The following TRAF4 variants were observed in gnomAD, a reference collection of about 807,000 sequenced individuals.
TRAF4 encodes the protein TNF receptor-associated factor 4.
In TRAF4, 9 loss-of-function variants were observed where a neutral mutation model predicts 47.3. The ratio of observed to expected loss-of-function variants is 0.19; its 90% CI spans 0.11 to 0.33. TRAF4 has a LOEUF of 0.33. Among genes scored for constraint, TRAF4 ranks in the 10% least tolerant of loss-of-function variants. The pLI is 1.00. For synonymous variants in TRAF4, 236 were observed against 236.9 expected (o/e 1.00, Z 0.04); for missense variants, 448 against 620.3 (o/e 0.72, Z 2.95).
intron 4 of TRAF4, 31 bp downstream of exon 4, chr17:28,748,209 G>C (rs766731116): frequency 1.9e-6 from 3 of 1,613,034 alleles, no homozygotes; most frequent in Admixed American, 1.7e-5. Flanking sequence ...TGTGGAGGAG[G>C]GGGTACCTGA....
At chr17:28,745,445 G>A (rs4795456) in intron 1 of TRAF4, 27,414 of 152,318 alleles carry the variant, frequency 0.18, 2,651 homozygotes, top group South Asian at 0.3. Flanking sequence ...TCCAGATGAG[G>A]CCAGCTGAGC....
chr17:28,744,073 G>A lies in TRAF4; in HGVS notation c.-40G>A, dbSNP rs1241599677. The A allele has an allele frequency of 8.0e-6, 11 of 1,380,236 alleles. No homozygotes were observed. Among genetic ancestry groups the A allele is most frequent in the Non-Finnish European group, 1.0e-5 (11 of 1,058,772 alleles). 85.5% of individuals were successfully genotyped at this position (1,380,236 alleles called of 1,614,324 possible). On this transcript the variant is annotated 5_prime_UTR_variant, in exon 1 of 7. The change creates a new upstream start codon in the 5' untranslated region. Coordinates refer to ENST00000262395, the MANE Select transcript of TRAF4 (RefSeq NM_004295.4). ...GAGGCGCGGGCTGTGGGGCCGCCGC[G>A]TGCCTGGCCCCGCTCGCCCGTGCCG... is the stretch of plus-strand genomic sequence containing the variant.
chr17:28,746,933 G>T, intron 1 of TRAF4: 1 of 369,170 alleles, frequency 2.7e-6, no homozygotes, highest in Non-Finnish European at 4.9e-6. Context: ...CTGCCATCCT[G>T]GGGGAGGGGG....
Position 28,744,033 on chromosome 17 carries a change from G to C in TRAF4, c.-80G>C, listed in dbSNP as rs1241062033. On this transcript the variant is annotated 5_prime_UTR_variant, in exon 1 of 7. Transcript: ENST00000262395. ...GCCAGTCGGCGCCGCCCGGAGCCGG[G>C]AGCGCCGCTCCAGCGAGGCGCGGGC... is the stretch of plus-strand genomic sequence containing the variant. 3.8e-6 allele frequency: 4 copies of C among 1,048,642 alleles called. No individual in the cohort carries two copies. The highest frequency in any genetic ancestry group is 8.4e-4 in the Middle Eastern group (2 of 2,370). 65.0% of individuals were successfully genotyped at this position (1,048,642 alleles called of 1,614,324 possible).
In TRAF4 at chr17:28,750,838, T is replaced by C. The variant is rs1386146618; in HGVS notation, c.*1261T>C. The C allele has an allele frequency of 1.3e-5, 2 of 152,162 alleles. No homozygotes were observed. Among genetic ancestry groups the C allele is most frequent in the African/African-American group, 4.8e-5 (2 of 41,436 alleles). The allele number at this position is 152,162 out of a possible 1,614,324, so 9.4% of individuals were successfully genotyped here. A position where few individuals can be genotyped will look rare whatever the true frequency, so the allele number is the denominator to read the frequency against. On this transcript the variant is annotated 3_prime_UTR_variant, in exon 7 of 7. Transcript: ENST00000262395. Reference sequence around the variant, plus strand: ...CTCCCTCTAGTTGTGGCAATAGGTGTGGGTCCTTGTGCTTGCTTTTGGCAA... The same window carrying C: ...CTCCCTCTAGTTGTGGCAATAGGTGCGGGTCCTTGTGCTTGCTTTTGGCAA...
chr17:28,744,419 G>C (rs1372293098), intron 1 of TRAF4, among the ~76,000 whole-genome samples, 164 bp downstream of exon 1: 1 of 144,864 alleles, frequency 6.9e-6, no homozygotes, highest in East Asian at 2.1e-4. Context: ...CAAGCCCCGA[G>C]GGAGGCCCCC....
chr17:28,744,265 G>T lies in TRAF4; in HGVS notation c.143+10G>T. On this transcript the variant is annotated intron_variant, in intron 1 of 6. Coordinates refer to ENST00000262395, the MANE Select transcript of TRAF4 (RefSeq NM_004295.4). The stretch of plus-strand genomic sequence containing the variant: ...TGCAGGAGTTCCTCAGGTGCTGGCC[G>T]GGGAGCAGGGGACAGCGGGGGCGGG... The T allele has an allele frequency of 6.3e-7, 1 of 1,583,904 alleles. No individual in the cohort carries two copies. The highest frequency in any genetic ancestry group is 1.7e-5 in the Admixed American group (1 of 58,880).
Position 28,748,854 on chromosome 17 carries a change from G to C in TRAF4, c.781-91G>C, listed in dbSNP as rs1470642323. On this transcript the variant is annotated intron_variant, in intron 6 of 6. Transcript: ENST00000262395. ...CTTCCTCACGTAGAGCTGGGTGCCT[G>C]CTACCCTGTACCCACTCCTCTCCTC... is the stretch of plus-strand genomic sequence containing the variant. 4 of 1,498,584 alleles carry C rather than the reference G, an allele frequency of 2.7e-6. No homozygotes were observed. The Admixed American group carries it at 8.7e-5, about 33-fold the overall frequency. 92.8% of individuals were successfully genotyped at this position (1,498,584 alleles called of 1,614,324 possible).
rs1258053069 is a variant in TRAF4 at position 28,749,978 on chromosome 17, C to A, written c.*401C>A. The A allele has an allele frequency of 1.5e-6, 1 of 661,760 alleles. No homozygotes were observed. The highest frequency in any genetic ancestry group is 2.1e-5 in the Admixed American group (1 of 47,636). The allele number at this position is 661,760 out of a possible 1,614,324, so 41.0% of individuals were successfully genotyped here. The stretch of plus-strand genomic sequence containing the variant: ...CTGTCTTGAGATCTGATTTTTTCCC[C>A]CTTTACCTAGCTGTGCCCCCTCTGG... On this transcript the variant is annotated 3_prime_UTR_variant, in exon 7 of 7. Coordinates refer to ENST00000262395, the MANE Select transcript of TRAF4 (RefSeq NM_004295.4).
Position 28,748,421 on chromosome 17 carries a change from C to G in TRAF4, c.622C>G (p.Gln208Glu). 1.2e-6 allele frequency: 2 copies of G among 1,605,640 alleles called. No individual in the cohort carries two copies. The highest frequency in any genetic ancestry group is 1.7e-6 in the Non-Finnish European group (2 of 1,173,364). Residue 208 changes from glutamine (Q) to glutamate (E), a missense_variant and splice_region_variant, in exon 5 of 7, where the codon CAG becomes GAG. Gln to Glu is a conservative substitution (Grantham distance 29). Transcript: ENST00000262395. Reference protein sequence around the residue: ...CTKEFVFDTIQSHQYQCPRLP... With the variant: ...CTKEFVFDTIESHQYQCPRLP... ...TAAGGAGTTCGTCTTTGACACCATC[C>G]AGGTGAGGCCTTCCCTGAACTGTGG... is the stretch of plus-strand genomic sequence containing the variant.
intron 1 of TRAF4, among the ~76,000 whole-genome samples, chr17:28,745,848 A>G (rs2034505349): frequency 6.6e-6 from 1 of 152,088 alleles, no homozygotes; most frequent in South Asian, 2.1e-4. Flanking sequence ...CCTGAAGCCT[A>G]GGGACTTGCC....
At chr17:28,744,363 CT>C in intron 1 of TRAF4, 108 bp downstream of exon 1, 2 of 1,339,080 alleles carry the variant, frequency 1.5e-6, no homozygotes, top group Non-Finnish European at 2.0e-6. Flanking sequence ...CGCTGCGACC[CT>C]GTGACCTCAG....
At chr17:28,745,610 C>G (rs1373537534) in intron 1 of TRAF4, 1 of 152,536 alleles carries the variant, frequency 6.6e-6, no homozygotes, top group African/African-American at 2.4e-5. Context: ...CTCCCACACC[C>G]CCTCCCCCCA....
rs1245997785 is a variant in TRAF4, at chr17:28,744,229, C to T, written c.117C>T (p.Cys39=). 5 of 1,581,688 alleles carry T rather than the reference C, an allele frequency of 3.2e-6. No individual in the cohort carries two copies. The highest frequency in any genetic ancestry group is 2.6e-6 in the Non-Finnish European group (3 of 1,169,384). Residue 39 remains cysteine (C), a synonymous_variant, in exon 1 of 7, where the codon TGC becomes TGT. Transcript: ENST00000262395. ...VQVSTCGHRF[C]DTCLQEFLSE... is the part of the protein sequence containing the mutation. ...TTTCCACCTGCGGCCACCGTTTCTG[C>T]GATACCTGCCTGCAGGAGTTCCTCA...
At chr17:28,745,901 C>A (rs1474602175) in intron 1 of TRAF4, among the ~76,000 whole-genome samples, 1 of 152,058 alleles carries the variant, frequency 6.6e-6, no homozygotes, top group African/African-American at 2.4e-5. Context: ...TCAGCACATT[C>A]CTGAAGCAGC....
At chr17:28,747,351 A>G (rs1166187494) in intron 2 of TRAF4, 87 bp downstream of exon 2, 3 of 1,500,260 alleles carry the variant, frequency 2.0e-6, no homozygotes, top group Non-Finnish European at 2.7e-6. Flanking sequence ...GCTCAGGGCC[A>G]GTGTCAACCA....
chr17:28,744,391 C>A, intron 1 of TRAF4, 136 bp downstream of exon 1: 1 of 1,039,526 alleles, frequency 9.6e-7, no homozygotes, highest in Non-Finnish European at 1.3e-6. Flanking sequence ...CCCGTGACGT[C>A]ACGGGGAGGG....
In TRAF4 at chr17:28,747,847, A is replaced by G. The variant is rs1420381508; in HGVS notation, c.200A>G (p.Tyr67Cys). The change falls in exon 3 of 7, where the codon TAC becomes TGC. Residue 67 changes from tyrosine (Y) to cysteine (C), a missense_variant. Coordinates refer to ENST00000262395, the MANE Select transcript of TRAF4 (RefSeq NM_004295.4). Reference protein sequence around the residue: ...DQLPLDYAKIYPDPELEVQVL... With the variant: ...DQLPLDYAKICPDPELEVQVL... Reference sequence around the variant, plus strand: ...TTCCCCCATCCCTACCCCCAGATCTACCCAGACCCGGAGCTGGAAGTACAA... The same window carrying G: ...TTCCCCCATCCCTACCCCCAGATCTGCCCAGACCCGGAGCTGGAAGTACAA... 6.2e-7 allele frequency: 1 copy of G among 1,612,998 alleles called. No homozygotes were observed. The highest frequency in any genetic ancestry group is 1.1e-5 in the South Asian group (1 of 90,938).
chr17:28,749,768 C>A lies in TRAF4; in HGVS notation c.*191C>A. ...CTTCAGCCCTGGCCCCTGTGGGGAA[C>A]AGGTCTTGGGGTCATGAAGGGCTGG... On this transcript the variant is annotated 3_prime_UTR_variant, in exon 7 of 7. Transcript: ENST00000262395. The A allele has an allele frequency of 1.0e-6, 1 of 972,734 alleles. No individual in the cohort carries two copies. Among genetic ancestry groups the A allele is most frequent in the Non-Finnish European group, 1.6e-6 (1 of 632,416 alleles). 60.3% of individuals were successfully genotyped at this position (972,734 alleles called of 1,614,324 possible). A position where few individuals can be genotyped will look rare whatever the true frequency, so the allele number is the denominator to read the frequency against.
Sources: allele counts gnomAD v4.1 joint callset (sites outside exome capture counted in the v4.1 genomes callset), GRCh38; gene constraint gnomAD v4.1.1; transcripts MANE v1.5; gene names NCBI Gene and HGNC (gene_info 2026-07-23, HGNC 2026-07-21).